The following GART variants were observed in gnomAD, a reference collection of about 807,000 sequenced individuals.
GART encodes the protein trifunctional purine biosynthetic protein adenosine-3.
Under a neutral mutation model 107.2 loss-of-function variants are expected in GART, and 43 were observed. That is an observed-to-expected ratio of 0.40 (90% CI 0.31 to 0.52). GART has a LOEUF of 0.52. Ranked by LOEUF, GART falls within the 20% of genes least tolerant of loss-of-function variation. The pLI, the probability that GART is intolerant of heterozygous loss-of-function variation, is 0.52. For missense variants in GART, 1,107 were observed against 1,206.5 expected, an observed-to-expected ratio of 0.92 and a Z score of 1.22; for synonymous variants, 434 against 427.0, an observed-to-expected ratio of 1.02 and a Z score of -0.20.
intron 14 of GART, among the ~76,000 whole-genome samples, chr21:33,519,949 T>C (rs2084940792): frequency 6.6e-6 from 1 of 152,140 alleles, no homozygotes; most frequent in African/African-American, 2.4e-5. Flanking sequence ...TTATTATTTA[T>C]GTCACTCTAT....
In GART at chr21:33,535,274, C is replaced by A. The variant is rs770749997; in HGVS notation, c.192G>T (p.Glu64Asp). ...CAACAACTACAAATTCAATTTTCTT[C>A]TCTTTGCAGAATTGAGCAAGGGCAG... ...DHTALAQFCKEKKIEFVVVGP... is the reference protein window; with the variant it reads ...DHTALAQFCKDKKIEFVVVGP... Residue 64 changes from glutamate to aspartate, a missense_variant, in exon 3 of 22, where the codon GAG becomes GAT. Transcript: ENST00000381815. 2 of 1,437,998 alleles carry A rather than the reference C, an allele frequency of 1.4e-6. No homozygotes were observed. The highest frequency in any genetic ancestry group is 2.9e-5 in the African/African-American group (2 of 67,802). The allele number at this position is 1,437,998 out of a possible 1,614,324, so 89.1% of individuals were successfully genotyped here.
At chr21:33,512,985 G>A (rs1238473644) in intron 16 of GART, among the ~76,000 whole-genome samples, 1 of 151,134 alleles carries the variant, frequency 6.6e-6, no homozygotes, top group Non-Finnish European at 1.5e-5. Context: ...GCGTGATCTC[G>A]ACTCACTGCA....
chr21:33,530,688 A>G, intron 7 of GART, 71 bp downstream of exon 7: 2 of 1,291,502 alleles, frequency 1.5e-6, no homozygotes. Context: ...AACAAAATAG[A>G]AAGTATCATC....
intron 2 of GART, among the ~76,000 whole-genome samples, chr21:33,536,237 A>G (rs1395823914): frequency 6.6e-6 from 1 of 152,180 alleles, no homozygotes; most frequent in Non-Finnish European, 1.5e-5. Flanking sequence ...TTAAGTTAAG[A>G]ACTCAATGAC....
chr21:33,541,044 A>C (rs201694294), intron 1 of GART, among the ~76,000 whole-genome samples: 1 of 152,118 alleles, frequency 6.6e-6, no homozygotes, highest in Non-Finnish European at 1.5e-5. Context: ...AAAAAAAAAA[A>C]CCCTGTTAAA....
chr21:33,519,388 C>T (rs1319390078), intron 14 of GART, among the ~76,000 whole-genome samples: 1 of 151,928 alleles, frequency 6.6e-6, no homozygotes, highest in Non-Finnish European at 1.5e-5. Flanking sequence ...CCCATCTCTA[C>T]TGAAAAATAG....
At chr21:33,537,348 T>C (rs1170135635) in intron 2 of GART, among the ~76,000 whole-genome samples, 2 of 152,232 alleles carry the variant, frequency 1.3e-5, no homozygotes, top group Non-Finnish European at 2.9e-5. Flanking sequence ...TTCTCCCAGT[T>C]TGTGGCTTGT....
chr21:33,534,445 G>A (rs772652500), intron 4 of GART, 134 bp downstream of exon 4: 7 of 827,776 alleles, frequency 8.5e-6, no homozygotes, highest in Non-Finnish European at 1.3e-5. Context: ...TCTAACTCCT[G>A]AGCTCAAGTG....
rs777554906 is a variant in GART, at chr21:33,504,286, C to T, written c.2871G>A (p.Leu957=). 1 of 1,614,142 alleles carries T rather than the reference C, an allele frequency of 6.2e-7. No homozygotes were observed. The highest frequency in any genetic ancestry group is 1.1e-5 in the South Asian group (1 of 91,076). ...CCCTCTTCACGGGAACAGCTTCTTG[C>T]AAAATAATCTGTCCAGCATCCACAT... ...AEDVDAGQII[L]QEAVPVKRGD... The change falls in exon 22 of 22, where the codon TTG becomes TTA. Residue 957 remains leucine (L), a synonymous_variant. Transcript: ENST00000381815.
intron 1 of GART, among the ~76,000 whole-genome samples, chr21:33,539,815 C>CT (rs1425243811): frequency 1.3e-5 from 2 of 152,190 alleles, no homozygotes; most frequent in African/African-American, 2.4e-5. Context: ...AGAAATATGA[C>CT]TGTCGTCATA....
intron 4 of GART, among the ~76,000 whole-genome samples, chr21:33,533,175 C>T (rs2085226822): frequency 2.0e-5 from 3 of 152,108 alleles, no homozygotes; most frequent in Non-Finnish European, 4.4e-5. Flanking sequence ...CGCGGTGGCT[C>T]ACGCCTGTAA....
chr21:33,515,591 G>A (rs574133388), intron 16 of GART, among the ~76,000 whole-genome samples: 8 of 130,562 alleles, frequency 6.1e-5, no homozygotes, highest in East Asian at 2.6e-4. Context: ...AGTGAGCTGC[G>A]ATTGCGCCAC....
chr21:33,531,052 G>A, intron 6 of GART, 168 bp from the exon 7 acceptor site: 1 of 465,588 alleles, frequency 2.1e-6, no homozygotes, highest in Non-Finnish European at 3.5e-6. Context: ...CATACATCAA[G>A]AATCATAATG....
chr21:33,533,443 AAAAAAAAATAAAT>A (rs963237820), intron 4 of GART, among the ~76,000 whole-genome samples: 11 of 148,670 alleles, frequency 7.4e-5, no homozygotes, highest in Admixed American at 2.7e-4. Context: ...AGACTCAAAA[AAAAAAAAATAAAT>A]AAATAAATAA....
chr21:33,528,763 A>C, intron 8 of GART, 87 bp downstream of exon 8: 1 of 1,179,680 alleles, frequency 8.5e-7, no homozygotes, highest in South Asian at 1.4e-5. Flanking sequence ...TGGTAAAAAA[A>C]AAAAAAAAAG....
intron 18 of GART, among the ~76,000 whole-genome samples, chr21:33,509,016 A>G (rs1343270647): frequency 6.6e-6 from 1 of 152,158 alleles, no homozygotes; most frequent in African/African-American, 2.4e-5. Context: ...TTTATTATCA[A>G]CTTGGGCCTA....
chr21:33,506,129 G>C, intron 18 of GART, 25 bp from the exon 19 acceptor site: 3 of 1,605,990 alleles, frequency 1.9e-6, no homozygotes, highest in Non-Finnish European at 2.5e-6. Context: ...AAACAGCAGT[G>C]AGCTCATACT....
Position 33,534,574 on chromosome 21 carries a change from C to A in GART, c.416+5G>T. ...ACTGTCCTTCACAGACAACCATTTA[C>A]CTACCTCAAAATGAAGCTGCAGGCT... On this transcript the variant is annotated splice_donor_5th_base_variant and intron_variant, in intron 4 of 21. Coordinates refer to ENST00000381815, the MANE Select transcript of GART (RefSeq NM_000819.5). 1 of 1,614,014 alleles carries A rather than the reference C, an allele frequency of 6.2e-7. No homozygotes were observed. Among genetic ancestry groups the A allele is most frequent in the South Asian group, 1.1e-5 (1 of 91,070 alleles).
chr21:33,523,907 C>T (rs2085017856), intron 11 of GART: 1 of 573,596 alleles, frequency 1.7e-6, no homozygotes, highest in Non-Finnish European at 2.1e-6. Flanking sequence ...GTGGAGGTTG[C>T]AGTGAGGCGA....
Sources: gnomAD v4.1 joint callset for allele counts (sites outside exome capture counted in the v4.1 genomes callset) on GRCh38, gnomAD v4.1.1 for gene constraint, MANE v1.5 for transcripts, NCBI Gene and HGNC (gene_info 2026-07-23, HGNC 2026-07-21) for gene names.